The following LMNTD1 variants were observed in gnomAD, a reference collection of about 807,000 sequenced individuals.
LMNTD1 encodes the protein lamin tail domain-containing protein 1.
In LMNTD1, 35 loss-of-function variants were observed where a neutral mutation model predicts 50.9. That is an observed-to-expected ratio of 0.69 (90% CI 0.53 to 0.91). The LOEUF (loss-of-function observed/expected upper bound fraction) is 0.91, where lower values mean the gene tolerates loss of function less well. Among genes scored for constraint, LMNTD1 ranks in the 40% least tolerant of loss-of-function variants. LMNTD1 has a pLI of 0.00. For synonymous variants in LMNTD1, 153 were observed against 161.9 expected (o/e 0.94, Z 0.42); for missense variants, 470 against 475.5 (o/e 0.99, Z 0.11).
At chr12:25,502,945 T>C (rs1939468753) in intron 9 of LMNTD1, 1 of 152,136 alleles carries the variant, frequency 6.6e-6, no homozygotes, top group South Asian at 2.1e-4. Context: ...AGTAGTAAAA[T>C]TAAGTCATTT....
At chr12:25,629,895 ACT>A (rs1366472344) in intron 1 of LMNTD1, among the ~76,000 whole-genome samples, 2 of 152,202 alleles carry the variant, frequency 1.3e-5, no homozygotes, top group African/African-American at 4.8e-5. Context: ...AAGAGATCTG[ACT>A]TTAATTAGAT....
At chr12:25,556,485 C>G (rs1944048775), upstream of LMNTD1, among the ~76,000 whole-genome samples, 1 of 152,158 alleles carries the variant, frequency 6.6e-6, no homozygotes, top group African/African-American at 2.4e-5. Context: ...CCATATCTTC[C>G]TTTTTCTGTG....
intron 1 of LMNTD1, among the ~76,000 whole-genome samples, chr12:25,569,095 C>T (rs1048325162): frequency 1.3e-5 from 2 of 152,234 alleles, no homozygotes; most frequent in Non-Finnish European, 2.9e-5. Context: ...CCTAGAAAAG[C>T]CACAAGCACT....
chr12:25,487,267 C>T (rs1022503182), intron 9 of LMNTD1, among the ~76,000 whole-genome samples: 4 of 114,718 alleles, frequency 3.5e-5, no homozygotes, highest in African/African-American at 1.3e-4. Context: ...GTGTGGGAGT[C>T]GAAGTCTCTT....
At chr12:25,606,880 T>C (rs1946119591) in intron 1 of LMNTD1, among the ~76,000 whole-genome samples, 1 of 152,214 alleles carries the variant, frequency 6.6e-6, no homozygotes, top group South Asian at 2.1e-4. Context: ...TCTTTTCCTA[T>C]TGATTGGAAT....
intron 2 of LMNTD1, among the ~76,000 whole-genome samples, chr12:25,551,943 C>G (rs1943768204): frequency 6.6e-6 from 1 of 152,160 alleles, no homozygotes; most frequent in South Asian, 2.1e-4. Flanking sequence ...TACAAAAGCT[C>G]AAGTCTAGCA....
At chr12:25,564,451 G>T (rs1944468863) in intron 1 of LMNTD1, among the ~76,000 whole-genome samples, 1 of 152,100 alleles carries the variant, frequency 6.6e-6, no homozygotes, top group African/African-American at 2.4e-5. Flanking sequence ...TAGAGACATG[G>T]TTTCACCCTG....
At chr12:25,547,502 G>A (rs1227855839) in intron 3 of LMNTD1, among the ~76,000 whole-genome samples, 2 of 151,384 alleles carry the variant, frequency 1.3e-5, no homozygotes, top group African/African-American at 2.4e-5. Context: ...TGTGACTCTC[G>A]GTCCAAAATC....
At chr12:25,527,205 G>A (rs1941786427) in intron 4 of LMNTD1, among the ~76,000 whole-genome samples, 1 of 151,956 alleles carries the variant, frequency 6.6e-6, no homozygotes, top group Non-Finnish European at 1.5e-5. Flanking sequence ...AGTATTTTAG[G>A]TGTCAAGGTA....
At chr12:25,634,201 A>G (rs1046174074) in intron 1 of LMNTD1, among the ~76,000 whole-genome samples, 1 of 152,198 alleles carries the variant, frequency 6.6e-6, no homozygotes, top group African/African-American at 2.4e-5. Context: ...AAAATTACCA[A>G]CAAAAAAAGT....
At chr12:25,565,968 T>C (rs776877876) in intron 1 of LMNTD1, among the ~76,000 whole-genome samples, 3 of 152,138 alleles carry the variant, frequency 2.0e-5, no homozygotes, top group Non-Finnish European at 4.4e-5. Context: ...CTGCCAGGCA[T>C]ATTGGAGCTC....
At chr12:25,524,936 G>A (rs1317535543) in intron 6 of LMNTD1, among the ~76,000 whole-genome samples, 4 of 152,060 alleles carry the variant, frequency 2.6e-5, no homozygotes, top group Non-Finnish European at 5.9e-5. Context: ...ACAGTAAATG[G>A]CTCTTAAGAA....
chr12:25,593,520 T>C (rs1368140741), intron 1 of LMNTD1, among the ~76,000 whole-genome samples: 1 of 151,922 alleles, frequency 6.6e-6, no homozygotes, highest in Non-Finnish European at 1.5e-5. Flanking sequence ...GAGAGTACTA[T>C]ATTAAGGGAC....
At chr12:25,637,536 AAGAT>A (rs1483367314) in intron 1 of LMNTD1, among the ~76,000 whole-genome samples, 1 of 152,202 alleles carries the variant, frequency 6.6e-6, no homozygotes, top group Non-Finnish European at 1.5e-5. Flanking sequence ...AGTAAACCTG[AAGAT>A]AGATTGATAG....
chr12:25,519,586 T>A (rs1941114857), intron 7 of LMNTD1, among the ~76,000 whole-genome samples: 7 of 74,936 alleles, frequency 9.3e-5, no homozygotes, highest in Admixed American at 4.6e-4. Context: ...AGACTCTGTC[T>A]CAAAAAAAAA....
In LMNTD1 at chr12:25,553,271, C is replaced by T. The variant is rs548129755; in HGVS notation, c.-233G>A. ...AGAGGGCAGTAACTTGGCAAAGAGA[C>T]CTTTATGACTACAGTTGTTGCTTCT... On this transcript the variant is annotated 5_prime_UTR_variant, in exon 1 of 10. Coordinates refer to ENST00000458174, the MANE Select transcript of LMNTD1 (RefSeq NM_001145728.2). The T allele has an allele frequency of 5.7e-4, 822 of 1,445,736 alleles. 2 individuals carry two copies. Among genetic ancestry groups the T allele is most frequent in the Non-Finnish European group, 6.9e-4 (764 of 1,102,910 alleles). 89.6% of individuals were successfully genotyped at this position (1,445,736 alleles called of 1,614,324 possible).
chr12:25,543,640 T>C (rs1217815315), intron 4 of LMNTD1, among the ~76,000 whole-genome samples: 1 of 151,956 alleles, frequency 6.6e-6, no homozygotes, highest in African/African-American at 2.4e-5. Flanking sequence ...GTTTGTTTTT[T>C]TTTTCTTGCT....
intron 1 of LMNTD1, among the ~76,000 whole-genome samples, chr12:25,636,614 T>C (rs930518318): frequency 3.9e-5 from 6 of 152,156 alleles, no homozygotes; most frequent in Non-Finnish European, 8.8e-5. Flanking sequence ...CCATTTGATC[T>C]AGCAATCTCA....
intron 1 of LMNTD1, among the ~76,000 whole-genome samples, chr12:25,571,547 T>C (rs1944797193): frequency 6.6e-6 from 1 of 152,062 alleles, no homozygotes; most frequent in Non-Finnish European, 1.5e-5. Context: ...ATATTTTTAG[T>C]AGAGACAGGG....
Sources: gnomAD v4.1 joint callset for allele counts (sites outside exome capture counted in the v4.1 genomes callset) on GRCh38, gnomAD v4.1.1 for gene constraint, MANE v1.5 for transcripts, NCBI Gene and HGNC (gene_info 2026-07-23, HGNC 2026-07-21) for gene names.